DPYD: variants seen among roughly 807,000 people sequenced by gnomAD.
DPYD encodes the protein dihydropyrimidine dehydrogenase.
Under a neutral mutation model 116.2 loss-of-function variants are expected in DPYD, and 109 were observed. The observed-to-expected ratio is 0.94, with a 90% CI of 0.80 to 1.10. The LOEUF (loss-of-function observed/expected upper bound fraction) is 1.10, where lower values mean the gene tolerates loss of function less well. Among genes scored for constraint, DPYD ranks in the 50% least tolerant of loss-of-function variants. The pLI is 0.00. For synonymous variants in DPYD, 440 were observed against 432.0 expected, an observed-to-expected ratio of 1.02 and a Z score of -0.23; for missense variants, 1,302 against 1,254.5, an observed-to-expected ratio of 1.04 and a Z score of -0.57.
chr1:97,224,674 A>G (rs1660995873), intron 19 of DPYD, among the ~76,000 whole-genome samples: 1 of 151,234 alleles, frequency 6.6e-6, no homozygotes, highest in South Asian at 2.1e-4. Flanking sequence ...TTCCTACTTC[A>G]TGCACCCACA....
chr1:97,623,090 T>G (rs750770843), intron 8 of DPYD, among the ~76,000 whole-genome samples: 2 of 152,052 alleles, frequency 1.3e-5, no homozygotes, highest in Non-Finnish European at 1.5e-5. Context: ...TCCATCAAGC[T>G]GGGCAATGTT....
intron 10 of DPYD, among the ~76,000 whole-genome samples, chr1:97,587,684 G>A (rs1482605590): frequency 6.6e-6 from 1 of 151,680 alleles, no homozygotes. Flanking sequence ...AAAATTAGAC[G>A]GGCATGGTGG....
chr1:97,792,438 C>T (rs1488444370), intron 3 of DPYD, among the ~76,000 whole-genome samples: 4 of 151,916 alleles, frequency 2.6e-5, no homozygotes, highest in East Asian at 1.9e-4. Context: ...TTAGTAGAGA[C>T]GGGGTTTCAC....
chr1:97,663,589 C>A (rs1439678930), intron 8 of DPYD, among the ~76,000 whole-genome samples: 1 of 152,174 alleles, frequency 6.6e-6, no homozygotes, highest in South Asian at 2.1e-4. Flanking sequence ...TTCTCCAAAC[C>A]ATTTTCACAG....
At chr1:97,176,205 T>TG (rs1557914360) in intron 20 of DPYD, among the ~76,000 whole-genome samples, 2 of 152,098 alleles carry the variant, frequency 1.3e-5, no homozygotes, top group Admixed American at 6.6e-5. Context: ...ATCAGAAAAG[T>TG]GGGGGGAGAG....
chr1:97,776,968 G>A (rs1344482822), intron 3 of DPYD, among the ~76,000 whole-genome samples: 1 of 152,138 alleles, frequency 6.6e-6, no homozygotes, highest in Non-Finnish European at 1.5e-5. Flanking sequence ...AGCTACAAAC[G>A]TGAGTTTTAA....
chr1:97,693,106 C>A (rs544845579), intron 6 of DPYD, among the ~76,000 whole-genome samples: 13 of 151,624 alleles, frequency 8.6e-5, no homozygotes, highest in African/African-American at 2.7e-4. Flanking sequence ...CTGGCTAACA[C>A]GGTGAAACCC....
chr1:97,383,676 A>T (rs990256516), intron 14 of DPYD, among the ~76,000 whole-genome samples: 2 of 152,122 alleles, frequency 1.3e-5, no homozygotes, highest in African/African-American at 4.8e-5. Context: ...CATATAGCTG[A>T]TAAGGAACAG....
chr1:97,722,128 T>G (rs1662959232), intron 4 of DPYD, among the ~76,000 whole-genome samples: 1 of 151,680 alleles, frequency 6.6e-6, no homozygotes, highest in Admixed American at 6.6e-5. Flanking sequence ...GAGCTTTCAT[T>G]ATTTTTGGAA....
intron 8 of DPYD, among the ~76,000 whole-genome samples, chr1:97,663,255 C>T (rs544323976): frequency 2.0e-5 from 3 of 152,102 alleles, no homozygotes; most frequent in Non-Finnish European, 2.9e-5. Flanking sequence ...GAATCTCAAA[C>T]GTAAGAAGTC....
intron 13 of DPYD, among the ~76,000 whole-genome samples, chr1:97,501,192 T>G (rs773105732): frequency 5.3e-5 from 8 of 152,086 alleles, no homozygotes; most frequent in Non-Finnish European, 7.4e-5. Context: ...CTGAACTGTT[T>G]ATAAACTTGT....
chr1:97,478,238 T>C (rs1007519031), intron 13 of DPYD, among the ~76,000 whole-genome samples: 3 of 152,182 alleles, frequency 2.0e-5, no homozygotes, highest in African/African-American at 7.2e-5. Flanking sequence ...AACTTCATTC[T>C]TCCAGTTAAA....
At chr1:97,371,123 A>C (rs1276510695) in intron 16 of DPYD, among the ~76,000 whole-genome samples, 2 of 152,152 alleles carry the variant, frequency 1.3e-5, no homozygotes, top group Non-Finnish European at 2.9e-5. Flanking sequence ...GATTACACAC[A>C]GGCAAATTAC....
At chr1:97,151,606 C>T (rs1264405067) in intron 20 of DPYD, among the ~76,000 whole-genome samples, 2 of 151,634 alleles carry the variant, frequency 1.3e-5, no homozygotes, top group African/African-American at 4.9e-5. Context: ...ACCTGGGAGG[C>T]GGAATTTGCA....
intron 20 of DPYD, among the ~76,000 whole-genome samples, chr1:97,161,731 C>A (rs1397933461): frequency 1.4e-3 from 164 of 114,984 alleles, no homozygotes; most frequent in African/African-American, 5.3e-3. Context: ...CTCCCCCCAC[C>A]CCACAACAGT....
intron 3 of DPYD, among the ~76,000 whole-genome samples, chr1:97,807,165 T>C (rs1289255647): frequency 6.6e-6 from 1 of 152,086 alleles, no homozygotes; most frequent in Non-Finnish European, 1.5e-5. Context: ...TCAATTACTT[T>C]GGGTAAATGC....
chr1:97,428,091 T>G, intron 14 of DPYD, among the ~76,000 whole-genome samples: 1 of 152,268 alleles, frequency 6.6e-6, no homozygotes, highest in South Asian at 2.1e-4. Context: ...CGAAAGTGAT[T>G]TCTGAGCCTC....
At chr1:97,452,526 T>G (rs1676473673) in intron 13 of DPYD, among the ~76,000 whole-genome samples, 1 of 152,042 alleles carries the variant, frequency 6.6e-6, no homozygotes, top group Non-Finnish European at 1.5e-5. Flanking sequence ...GGTTTGGGCT[T>G]TGATATAGTT....
intron 8 of DPYD, among the ~76,000 whole-genome samples, chr1:97,657,785 T>C (rs540295860): frequency 1.2e-4 from 18 of 152,294 alleles, no homozygotes; most frequent in Admixed American, 3.3e-4. Flanking sequence ...CAATTAGAAA[T>C]ATATTTATTA....
Sources: gnomAD v4.1 joint callset for allele counts (sites outside exome capture counted in the v4.1 genomes callset) on GRCh38, gnomAD v4.1.1 for gene constraint, MANE v1.5 for transcripts, NCBI Gene and HGNC (gene_info 2026-07-23, HGNC 2026-07-21) for gene names.